PDXDC1: variants seen among roughly 807,000 people sequenced by gnomAD.
The protein encoded by PDXDC1 is pyridoxal dependent decarboxylase domain containing 1, also known as pyridoxal-dependent decarboxylase domain-containing protein 1.
PDXDC1 carries 42 observed loss-of-function variants against 100.1 expected under a neutral mutation model. That is an observed-to-expected ratio of 0.42 (90% CI 0.33 to 0.54). The LOEUF is 0.54. PDXDC1 is among the 20% of genes least tolerant of loss of function. The probability of loss-of-function intolerance (pLI) is 0.10; values close to 1 mark genes in which losing one functional copy is unlikely to be tolerated. For synonymous variants in PDXDC1, 260 were observed against 371.7 expected, an observed-to-expected ratio of 0.70 and a Z score of 3.46; for missense variants, 636 against 979.2, an observed-to-expected ratio of 0.65 and a Z score of 4.68.
Position 15,029,844 on chromosome 16 carries a change from C to T in PDXDC1, c.1294-107C>T, listed in dbSNP as rs527714619. ...ATCAGACAGTCAAAAGAGCAGGAAT[C>T]AGCTCTCCAGGAGGCTCTTTGGTCT... On this transcript the variant is annotated intron_variant, in intron 15 of 22. Transcript: ENST00000396410. 41 of 930,150 alleles carry T rather than the reference C, an allele frequency of 4.4e-5. No individual in the cohort carries two copies. The South Asian group carries it at 5.9e-4, about 13-fold the overall frequency. The allele number at this position is 930,150 out of a possible 1,614,324, so 57.6% of individuals were successfully genotyped here.
chr16:15,122,085 A>G (rs1219455475), intron 16 of PDXDC1, among the ~76,000 whole-genome samples: 1 of 150,532 alleles, frequency 6.6e-6, no homozygotes, highest in African/African-American at 2.4e-5. Flanking sequence ...AATTGCTTGA[A>G]CCCCGGAAGC....
intron 1 of PDXDC1, among the ~76,000 whole-genome samples, chr16:14,978,285 A>G (rs934121110): frequency 6.6e-6 from 1 of 152,302 alleles, no homozygotes; most frequent in Non-Finnish European, 1.5e-5. Flanking sequence ...AGAGTCTCAC[A>G]GTGTGTACTT....
chr16:15,050,059 TA>T (rs2044236935), intron 16 of PDXDC1, among the ~76,000 whole-genome samples: 1 of 152,232 alleles, frequency 6.6e-6, no homozygotes, highest in African/African-American at 2.4e-5. Context: ...CTCAATGTTC[TA>T]TCACATAGTT....
rs1270138715 is a variant in PDXDC1, at chr16:15,133,855, G to A, written c.1400-5024G>A. 217 of 1,567,508 alleles carry A rather than the reference G, an allele frequency of 1.4e-4. 1 individual carries two copies. The Middle Eastern group carries it at 3.7e-3, about 26-fold the overall frequency. On this transcript the variant is annotated intron_variant, in intron 16 of 16. Transcript: ENST00000535621. ...TGCACAGCGCCCAGTGGGAAGAGGC[G>A]GCAAGAGCCCCCCAGCGGCGGGCGG...
chr16:15,065,436 G>T, intron 16 of PDXDC1: 6 of 1,432,256 alleles, frequency 4.2e-6, no homozygotes, highest in South Asian at 1.3e-5. Flanking sequence ...GTGCAGATGT[G>T]AGCTGCGTGT....
intron 16 of PDXDC1, chr16:15,132,610 G>A (rs1373221704): frequency 1.1e-5 from 9 of 784,460 alleles, no homozygotes; most frequent in African/African-American, 1.7e-5. Context: ...GCATGAAGGA[G>A]CCCAGGCTGG....
At position 15,036,348 on chromosome 16, in the gene PDXDC1, T is replaced by A; in HGVS notation, c.*73T>A. 7.5e-7 allele frequency: 1 copy of A among 1,325,292 alleles called. No homozygotes were observed. Among genetic ancestry groups the A allele is most frequent in the African/African-American group, 1.5e-5 (1 of 68,212 alleles). 82.1% of individuals were successfully genotyped at this position (1,325,292 alleles called of 1,614,324 possible). A position where few individuals can be genotyped will look rare whatever the true frequency, so the allele number is the denominator to read the frequency against. ...ATGAAGTTCTATTGGAAATGTGAAC[T>A]GTGCCACATACTAATATAAATTACT... On this transcript the variant is annotated 3_prime_UTR_variant, in exon 23 of 23. Transcript: ENST00000396410.
At chr16:15,104,378 TGGAAG>T (rs1218808816) in intron 16 of PDXDC1, 1 of 1,596,690 alleles carries the variant, frequency 6.3e-7, no homozygotes, top group African/African-American at 1.3e-5. Flanking sequence ...CCACTGAGGG[TGGAAG>T]GGGAGTGAGC....
chr16:15,056,060 C>A (rs1427361235), intron 16 of PDXDC1: 8 of 478,578 alleles, frequency 1.7e-5, no homozygotes, highest in Non-Finnish European at 2.3e-5. Flanking sequence ...CCCCTCGGGC[C>A]GCGCGTCCCG....
chr16:15,056,633 A>G (rs968396716), intron 16 of PDXDC1, among the ~76,000 whole-genome samples: 58 of 152,040 alleles, frequency 3.8e-4, no homozygotes, highest in Non-Finnish European at 5.0e-4. Flanking sequence ...TCTCTGCCAA[A>G]AATTTAAAAA....
intron 16 of PDXDC1, among the ~76,000 whole-genome samples, chr16:15,136,372 G>C (rs928228992): frequency 3.3e-5 from 5 of 152,172 alleles, no homozygotes; most frequent in Non-Finnish European, 7.4e-5. Context: ...GGAGTGTCCG[G>C]AGGCTGCCCC....
intron 16 of PDXDC1, among the ~76,000 whole-genome samples, chr16:15,068,934 A>G (rs1454501160): frequency 6.6e-6 from 1 of 152,230 alleles, no homozygotes; most frequent in East Asian, 1.9e-4. Context: ...ATTTCAATAA[A>G]AATTACCTAA....
chr16:14,983,240 A>T (rs1197916927), intron 1 of PDXDC1, among the ~76,000 whole-genome samples: 1 of 152,282 alleles, frequency 6.6e-6, no homozygotes, highest in South Asian at 2.1e-4. Flanking sequence ...TTAAAAATAA[A>T]TTTTAGACTT....
At chr16:14,987,339 G>A (rs1291837257) in intron 1 of PDXDC1, among the ~76,000 whole-genome samples, 2 of 152,294 alleles carry the variant, frequency 1.3e-5, no homozygotes, top group Admixed American at 6.5e-5. Context: ...TTGCCCAGTG[G>A]TTAAGAGCAC....
At chr16:15,071,285 T>C in intron 16 of PDXDC1, 1 of 1,571,340 alleles carries the variant, frequency 6.4e-7, no homozygotes, top group Non-Finnish European at 8.6e-7. Context: ...GTGATCTTTT[T>C]TAATGCCTAA....
rs560273310 is a variant in PDXDC1 at position 15,079,274 on chromosome 16, C to A, written c.1399+49218C>A. The stretch of plus-strand genomic sequence containing the variant: ...CAATGTCACTAGAATCTACTACTTC[C>A]TTTCATTCCCACTGCACCTTAGTGC... On this transcript the variant is annotated intron_variant, in intron 16 of 16. Transcript: ENST00000535621. 5.3e-5 allele frequency among the ~76,000 whole-genome samples: 8 copies of A among 152,298 alleles called. 1 individual carries two copies. The South Asian group carries it at 1.7e-3, about 32-fold the overall frequency.
chr16:15,128,091 G>A (rs1158786032), intron 16 of PDXDC1: 9 of 1,608,274 alleles, frequency 5.6e-6, no homozygotes, highest in East Asian at 2.2e-5. Flanking sequence ...GCCGTCTGCA[G>A]GTCCCTGATG....
intron 12 of PDXDC1, among the ~76,000 whole-genome samples, chr16:15,019,742 G>A (rs966113550): frequency 6.6e-6 from 1 of 152,276 alleles, no homozygotes; most frequent in African/African-American, 2.4e-5. Context: ...CCTCCCAAAG[G>A]CCTCAACTCA....
At chr16:15,033,629 C>T (rs771395070) in intron 19 of PDXDC1, among the ~76,000 whole-genome samples, 4 of 152,238 alleles carry the variant, frequency 2.6e-5, no homozygotes, top group Non-Finnish European at 5.9e-5. Flanking sequence ...CACATAGCCA[C>T]GCTGTGTAGT....
Sources: allele counts gnomAD v4.1 joint callset (sites outside exome capture counted in the v4.1 genomes callset), GRCh38; gene constraint gnomAD v4.1.1; transcripts MANE v1.5; gene names NCBI Gene and HGNC (gene_info 2026-07-23, HGNC 2026-07-21).